ATP2B1: variants seen among roughly 807,000 people sequenced by gnomAD.
ATP2B1 encodes the protein plasma membrane calcium-transporting ATPase 1.
Under a neutral mutation model 124.2 loss-of-function variants are expected in ATP2B1, and 14 were observed. The observed-to-expected ratio is 0.11, with a 90% CI of 0.07 to 0.18. ATP2B1 has a LOEUF of 0.18. ATP2B1 is among the 10% of genes least tolerant of loss of function. ATP2B1 has a pLI of 1.00. For synonymous variants in ATP2B1, 449 were observed against 492.4 expected (o/e 0.91, Z 1.17); for missense variants, 763 against 1,466.1 (o/e 0.52, Z 7.83).
intron 1 of ATP2B1, among the ~76,000 whole-genome samples, chr12:89,687,081 A>G (rs1025689718): frequency 6.6e-6 from 1 of 152,134 alleles, no homozygotes; most frequent in African/African-American, 2.4e-5. Context: ...ACAATACAGC[A>G]TAACAACTAT....
At chr12:89,634,651 C>A in intron 5 of ATP2B1, 127 bp downstream of exon 5, 1 of 1,037,890 alleles carries the variant, frequency 9.6e-7, no homozygotes, top group Non-Finnish European at 1.3e-6. Flanking sequence ...AGGATTACAA[C>A]AGTAGAAGGT....
At chr12:89,663,311 T>C (rs989152695) in intron 1 of ATP2B1, among the ~76,000 whole-genome samples, 2 of 152,198 alleles carry the variant, frequency 1.3e-5, no homozygotes, top group Non-Finnish European at 2.9e-5. Flanking sequence ...AGTTAAAGGA[T>C]ATTTCAGATT....
rs558745083 is a variant in ATP2B1 at position 89,610,344 on chromosome 12, A to G, written c.2335+77T>C. 9 of 1,189,746 alleles carry G rather than the reference A, an allele frequency of 7.6e-6. No individual in the cohort carries two copies. In the East Asian group the frequency reaches 2.1e-4, roughly 28 times the overall value. 73.7% of individuals were successfully genotyped at this position (1,189,746 alleles called of 1,614,324 possible). On this transcript the variant is annotated intron_variant, in intron 14 of 20. Coordinates refer to ENST00000428670, the MANE Select transcript of ATP2B1 (RefSeq NM_001366521.1). ...ATATCCATGACTCAATCTAATATTC[A>G]GTATCTATTACTATTCTGGGAAGCA...
chr12:89,616,237 G>A (rs1472491384), intron 12 of ATP2B1, among the ~76,000 whole-genome samples: 1 of 152,104 alleles, frequency 6.6e-6, no homozygotes, highest in East Asian at 1.9e-4. Flanking sequence ...CTTAAAAAAG[G>A]TGAAAAACCA....
chr12:89,633,751 C>G (rs1051952368), intron 5 of ATP2B1, among the ~76,000 whole-genome samples: 1 of 152,064 alleles, frequency 6.6e-6, no homozygotes, highest in Admixed American at 6.6e-5. Flanking sequence ...CTGGTTTCAG[C>G]AGCAATCATC....
rs187150701 is a variant in ATP2B1, at chr12:89,701,052, T to C, written c.-222+7544A>G. On this transcript the variant is annotated intron_variant, in intron 1 of 20. Coordinates refer to ENST00000428670, the MANE Select transcript of ATP2B1 (RefSeq NM_001366521.1). ...ATTCAATAGAAATGATAAAGTCAAA[T>C]ACAGGCTTTCCTTCTTGACTTCTTG... 2.8e-4 allele frequency among the ~76,000 whole-genome samples: 42 copies of C among 152,364 alleles called. No individual in the cohort carries two copies. In the East Asian group the frequency reaches 7.7e-3, roughly 28 times the overall value.
At chr12:89,601,066 C>A (rs1170616054) in intron 19 of ATP2B1, among the ~76,000 whole-genome samples, 1 of 151,550 alleles carries the variant, frequency 6.6e-6, no homozygotes, top group African/African-American at 2.4e-5. Context: ...TTTTAAAAAC[C>A]GCTACAAAAC....
At chr12:89,600,515 T>G (rs1875580527) in intron 19 of ATP2B1, among the ~76,000 whole-genome samples, 1 of 152,174 alleles carries the variant, frequency 6.6e-6, no homozygotes, top group African/African-American at 2.4e-5. Flanking sequence ...CTGTTAAAGC[T>G]ATTCAATTCA....
At chr12:89,648,755 G>A (rs2136299378) in intron 2 of ATP2B1, among the ~76,000 whole-genome samples, 1 of 152,360 alleles carries the variant, frequency 6.6e-6, no homozygotes, top group Middle Eastern at 3.4e-3. Flanking sequence ...CTTTGGGATA[G>A]CCCCTCCCAT....
rs1396871430 is a variant in ATP2B1 at position 89,610,048 on chromosome 12, A to C, written c.2336-5T>G. 2 of 1,601,380 alleles carry C rather than the reference A, an allele frequency of 1.2e-6. No individual in the cohort carries two copies. The highest frequency in any genetic ancestry group is 1.7e-6 in the Non-Finnish European group (2 of 1,169,920). ...AGACAGTGCTGTCAATTATACCTTA[A>C]ATACAAGCAAATATTTGTGTTATAA... is the stretch of plus-strand genomic sequence containing the variant. On this transcript the variant is annotated splice_polypyrimidine_tract_variant and splice_region_variant and intron_variant, in intron 14 of 20. Transcript: ENST00000428670.
chr12:89,610,965 A>G (rs1050562877), intron 13 of ATP2B1, among the ~76,000 whole-genome samples: 2 of 152,120 alleles, frequency 1.3e-5, no homozygotes, highest in African/African-American at 4.8e-5. Context: ...CACTGCTGCT[A>G]CTTTTATATA....
chr12:89,666,437 G>A (rs1351800886), intron 1 of ATP2B1, among the ~76,000 whole-genome samples: 4 of 152,158 alleles, frequency 2.6e-5, no homozygotes, highest in South Asian at 2.1e-4. Flanking sequence ...GCTCTCCAGT[G>A]AACAACTTAT....
At chr12:89,592,018 G>A (rs1290309188) in intron 20 of ATP2B1, among the ~76,000 whole-genome samples, 1 of 151,918 alleles carries the variant, frequency 6.6e-6, no homozygotes, top group Non-Finnish European at 1.5e-5. Flanking sequence ...CAAATCCTCT[G>A]GGATTCTTCT....
intron 9 of ATP2B1, among the ~76,000 whole-genome samples, chr12:89,622,075 A>C (rs1407049016): frequency 6.6e-6 from 1 of 152,050 alleles, no homozygotes; most frequent in East Asian, 1.9e-4. Context: ...GTACACAAAT[A>C]ATACTGAATA....
At chr12:89,667,825 C>T (rs1887491556) in intron 1 of ATP2B1, among the ~76,000 whole-genome samples, 1 of 152,228 alleles carries the variant, frequency 6.6e-6, no homozygotes, top group Non-Finnish European at 1.5e-5. Flanking sequence ...AAGCAATCTA[C>T]AGATTCGGTG....
At chr12:89,650,503 T>C (rs998506002) in intron 2 of ATP2B1, among the ~76,000 whole-genome samples, 1 of 152,144 alleles carries the variant, frequency 6.6e-6, no homozygotes, top group East Asian at 1.9e-4. Context: ...AGTTAAACAC[T>C]GTGGGTTTTG....
At chr12:89,646,162 C>A (rs915569854) in intron 2 of ATP2B1, among the ~76,000 whole-genome samples, 2 of 151,696 alleles carry the variant, frequency 1.3e-5, no homozygotes, top group Admixed American at 1.3e-4. Flanking sequence ...CCAAGACAGG[C>A]AATTTTGAGA....
intron 19 of ATP2B1, 72 bp from the exon 20 acceptor site, chr12:89,599,371 A>C: frequency 2.7e-6 from 4 of 1,458,788 alleles, no homozygotes; most frequent in Non-Finnish European, 3.7e-6. Context: ...TGTAATACTA[A>C]AGGTATTAAA....
At chr12:89,677,608 A>T (rs963930428) in intron 1 of ATP2B1, among the ~76,000 whole-genome samples, 17 of 152,126 alleles carry the variant, frequency 1.1e-4, no homozygotes, top group Non-Finnish European at 2.2e-4. Flanking sequence ...AAGTAACATT[A>T]TACTACTACT....
Sources: allele counts gnomAD v4.1 joint callset (sites outside exome capture counted in the v4.1 genomes callset), GRCh38; gene constraint gnomAD v4.1.1; transcripts MANE v1.5; gene names NCBI Gene and HGNC (gene_info 2026-07-23, HGNC 2026-07-21).